SNAP91: variants seen among roughly 807,000 people sequenced by gnomAD.
SNAP91 encodes the protein synaptosome associated protein 91.
Under a neutral mutation model 100.3 loss-of-function variants are expected in SNAP91, and 27 were observed. The ratio of observed to expected loss-of-function variants is 0.27; its 90% CI spans 0.20 to 0.37. SNAP91 has a LOEUF of 0.37. Among genes scored for constraint, SNAP91 ranks in the 10% least tolerant of loss-of-function variants. SNAP91 has a pLI of 1.00. For synonymous variants in SNAP91, 404 were observed against 398.6 expected (o/e 1.01, Z -0.16); for missense variants, 986 against 1,123.7 (o/e 0.88, Z 1.75).
chr6:83,582,341 A>C lies in SNAP91; in HGVS notation c.2030T>G (p.Phe677Cys), dbSNP rs758512167. The C allele has an allele frequency of 6.2e-7, 1 of 1,613,334 alleles. No homozygotes were observed. The highest frequency in any genetic ancestry group is 8.5e-7 in the Non-Finnish European group (1 of 1,179,546). Residue 677 changes from phenylalanine to cysteine, a missense_variant, in exon 23 of 30, where the codon TTC (phenylalanine) becomes TGC (cysteine). Around this residue, in one of 4 missense-constraint regions of SNAP91, gnomAD observed 575 missense variants for 579.9 expected, o/e 0.99. Transcript: ENST00000369694. ...CACTGGAGATGGGGAAGGCGCCATG[A>C]AAGAACCCCCAAATCCTGAAAAAAA... ...ADLLAGFGGSFMAPSPSPVTP... is the reference protein window; with the variant it reads ...ADLLAGFGGSCMAPSPSPVTP...
rs1562168556 is a variant in SNAP91, at chr6:83,575,238, G to C, written c.2331-117C>G. The C allele has an allele frequency of 6.9e-6, 5 of 722,774 alleles. No homozygotes were observed. The East Asian group carries it at 1.1e-4, about 16-fold the overall frequency. The allele number at this position is 722,774 out of a possible 1,614,324, so 44.8% of individuals were successfully genotyped here. On this transcript the variant is annotated intron_variant, in intron 25 of 29. Coordinates refer to ENST00000369694, the MANE Select transcript of SNAP91 (RefSeq NM_001242792.2). ...TTAAAAGCAGTTTATTTAGTCAAGT[G>C]GTATAGTAATAAGAACAGCAGTTAA...
chr6:83,674,218 A>T lies in SNAP91; in HGVS notation c.131-8637T>A, dbSNP rs182899970. On this transcript the variant is annotated intron_variant, in intron 2 of 29. Coordinates refer to ENST00000369694, the MANE Select transcript of SNAP91 (RefSeq NM_001242792.2). ...GGCGGGCGGATCACTTGAGGTCGGGAGTTTGAAACCTGATCTCAGCCTGGC... is the reference window on the plus strand; with the variant it reads ...GGCGGGCGGATCACTTGAGGTCGGGTGTTTGAAACCTGATCTCAGCCTGGC... Among the ~76,000 whole-genome samples the T allele has an allele frequency of 9.2e-5, 14 of 152,156 alleles. No individual in the cohort carries two copies. In the East Asian group the frequency reaches 2.7e-3, roughly 29 times the overall value.
chr6:83,594,231 C>T (rs1162205122), intron 17 of SNAP91, 143 bp downstream of exon 17: 9 of 668,834 alleles, frequency 1.3e-5, no homozygotes, highest in Non-Finnish European at 2.3e-5. Flanking sequence ...GTTTTAAATG[C>T]TGGCATTATT....
At chr6:83,680,337 C>T (rs1180179037) in intron 2 of SNAP91, among the ~76,000 whole-genome samples, 1 of 152,072 alleles carries the variant, frequency 6.6e-6, no homozygotes, top group Non-Finnish European at 1.5e-5. Flanking sequence ...TTACCCTATT[C>T]TATAACTTCT....
chr6:83,593,140 C>T (rs1047627270), intron 19 of SNAP91, 42 bp downstream of exon 19: 1 of 1,544,704 alleles, frequency 6.5e-7, no homozygotes, highest in African/African-American at 1.4e-5. Flanking sequence ...AGGAAAACAT[C>T]TAAGAAACTA....
chr6:83,658,609 AAAAT>A (rs1406711769), intron 6 of SNAP91, among the ~76,000 whole-genome samples: 3 of 152,218 alleles, frequency 2.0e-5, no homozygotes, highest in Admixed American at 6.5e-5. Flanking sequence ...CCGTCTCAAA[AAAAT>A]AAATAAATAA....
At chr6:83,576,230 A>G (rs1818498932) in intron 24 of SNAP91, among the ~76,000 whole-genome samples, 177 bp from the exon 25 acceptor site, 2 of 152,128 alleles carry the variant, frequency 1.3e-5, no homozygotes, top group South Asian at 4.1e-4. Flanking sequence ...TAAATTAAAG[A>G]TTTTCTTTTA....
chr6:83,554,993 T>C (rs11965081), intron 29 of SNAP91, among the ~76,000 whole-genome samples: 2,921 of 152,272 alleles, frequency 0.019, 81 homozygotes, highest in African/African-American at 0.062. Context: ...CTGTTTCCTG[T>C]ACTTATCAAA....
chr6:83,670,341 T>C lies in SNAP91; in HGVS notation c.131-4760A>G, dbSNP rs76902210. The stretch of plus-strand genomic sequence containing the variant: ...TGACTATAATGGTGTTAAACATTTA[T>C]GTCACGAGCTTTTCATTTGTTTATT... On this transcript the variant is annotated intron_variant, in intron 2 of 29. Coordinates refer to ENST00000369694, the MANE Select transcript of SNAP91 (RefSeq NM_001242792.2). Among the ~76,000 whole-genome samples the C allele has an allele frequency of 7.1e-3, 1,084 of 151,830 alleles. 17 individuals carry two copies. The highest frequency in any genetic ancestry group is 0.025 in the African/African-American group (1,034 of 41,496).
At chr6:83,676,802 G>A (rs1255735040) in intron 2 of SNAP91, among the ~76,000 whole-genome samples, 1 of 152,156 alleles carries the variant, frequency 6.6e-6, no homozygotes, top group Non-Finnish European at 1.5e-5. Flanking sequence ...GAGTCAGGGA[G>A]ACAAATAAAA....
Position 83,647,795 on chromosome 6 carries a change from CTG to C in SNAP91, c.659-6595_659-6594del, listed in dbSNP as rs2098007331. ...AAGGTACATGTCAGTCCATTTTCTG[CTG>C]CTATCATGGAATACCACACACCAGA... On this transcript the variant is annotated intron_variant, in intron 7 of 29. Coordinates refer to ENST00000369694, the MANE Select transcript of SNAP91 (RefSeq NM_001242792.2). 2.6e-5 allele frequency among the ~76,000 whole-genome samples: 4 copies of C among 152,180 alleles called. No homozygotes were observed. The South Asian group carries it at 8.3e-4, about 32-fold the overall frequency.
chr6:83,563,414 G>A (rs6454334), intron 26 of SNAP91, among the ~76,000 whole-genome samples: 9,119 of 152,032 alleles, frequency 0.06, 880 homozygotes, highest in African/African-American at 0.21. Flanking sequence ...AAAGCCCACA[G>A]CTAACATCAT....
rs539515553 is a variant in SNAP91, at chr6:83,627,978, T to C, written c.766-4636A>G. ...ACCATAGTAGTGTACACTGCACCTGTATTTGGAGTCTTTATCCCTCACCCT... is the reference window on the plus strand; with the variant it reads ...ACCATAGTAGTGTACACTGCACCTGCATTTGGAGTCTTTATCCCTCACCCT... On this transcript the variant is annotated intron_variant, in intron 8 of 29. Transcript: ENST00000369694. Among the ~76,000 whole-genome samples, 141 of 151,732 alleles carry C rather than the reference T, an allele frequency of 9.3e-4. 1 individual carries two copies. The highest frequency in any genetic ancestry group is 3.4e-3 in the Middle Eastern group (1 of 294).
intron 2 of SNAP91, among the ~76,000 whole-genome samples, chr6:83,707,174 G>A (rs1372681458): frequency 6.6e-6 from 1 of 152,132 alleles, no homozygotes; most frequent in African/African-American, 2.4e-5. Flanking sequence ...GTGCCAGGAT[G>A]TGTAAAATGA....
At chr6:83,659,911 G>T (rs2098504686) in intron 5 of SNAP91, among the ~76,000 whole-genome samples, 1 of 152,192 alleles carries the variant, frequency 6.6e-6, no homozygotes, top group South Asian at 2.1e-4. Context: ...TAAGAGTTTA[G>T]CTACAGAAGA....
chr6:83,605,440 T>C (rs1467407364), intron 14 of SNAP91, among the ~76,000 whole-genome samples: 1 of 152,308 alleles, frequency 6.6e-6, no homozygotes, highest in African/African-American at 2.4e-5. Context: ...CAAAACTTCC[T>C]TGTTCCAACT....
At position 83,554,055 on chromosome 6, in the gene SNAP91, A is replaced by G. The variant is rs141242512; in HGVS notation, c.*241T>C. 231 of 156,048 alleles carry G rather than the reference A, an allele frequency of 1.5e-3. 1 individual carries two copies. The highest frequency in any genetic ancestry group is 4.6e-3 in the Admixed American group (70 of 15,328). 9.7% of individuals were successfully genotyped at this position (156,048 alleles called of 1,614,324 possible). ...TCAGTAACATCCATTCATTGTTTAC[A>G]TCGTACAATACACAAATAATCCAAA... On this transcript the variant is annotated 3_prime_UTR_variant, in exon 30 of 30. Transcript: ENST00000369694.
intron 5 of SNAP91, among the ~76,000 whole-genome samples, chr6:83,660,604 C>T (rs977568899): frequency 2.6e-5 from 4 of 152,008 alleles, no homozygotes; most frequent in African/African-American, 9.7e-5. Context: ...AGATAAAATT[C>T]AAGTGTTTCT....
At chr6:83,604,075 A>T (rs996418463) in intron 14 of SNAP91, among the ~76,000 whole-genome samples, 5 of 152,160 alleles carry the variant, frequency 3.3e-5, no homozygotes, top group Non-Finnish European at 7.4e-5. Context: ...TAGTGCCAAA[A>T]TTTTTTAAAA....
Sources: allele counts gnomAD v4.1 joint callset (sites outside exome capture counted in the v4.1 genomes callset), GRCh38; gene constraint gnomAD v4.1.1; regional missense constraint gnomAD v4.1.1; transcripts MANE v1.5; gene names NCBI Gene and HGNC (gene_info 2026-07-23, HGNC 2026-07-21).